MORF4L1: variants seen among roughly 807,000 people sequenced by gnomAD.
MORF4L1 encodes the protein mortality factor 4 like 1.
Under a neutral mutation model 52.9 loss-of-function variants are expected in MORF4L1, and 4 were observed. The observed-to-expected ratio is 0.08, with a 90% CI of 0.04 to 0.17. The LOEUF (loss-of-function observed/expected upper bound fraction) is 0.17. MORF4L1 is among the 10% of genes least tolerant of loss of function. The probability of loss-of-function intolerance (pLI) is 1.00; values close to 1 mark genes in which losing one functional copy is unlikely to be tolerated. For synonymous variants in MORF4L1, 123 were observed against 134.8 expected (o/e 0.91, Z 0.61); for missense variants, 214 against 390.4 (o/e 0.55, Z 3.81).
rs141520493 is a variant in MORF4L1, at chr15:78,897,126, A to G, written c.*59A>G. 4.5e-5 allele frequency: 60 copies of G among 1,337,858 alleles called. No homozygotes were observed. In the African/African-American group the frequency reaches 7.0e-4, roughly 16 times the overall value. The allele number at this position is 1,337,858 out of a possible 1,614,324, so 82.9% of individuals were successfully genotyped here. On this transcript the variant is annotated 3_prime_UTR_variant, in exon 12 of 12. Transcript: ENST00000426013. The stretch of plus-strand genomic sequence containing the variant: ...GTAAACACATTTTTGTTCTTAGTCT[A>G]TCTCTTGTACAAACGATGTGCTTTG...
chr15:78,894,067 G>T lies in MORF4L1; in HGVS notation c.639G>T (p.Ala213=). 6.2e-7 allele frequency: 1 copy of T among 1,612,182 alleles called. No homozygotes were observed. Among genetic ancestry groups the T allele is most frequent in the Non-Finnish European group, 8.5e-7 (1 of 1,178,924 alleles). ...TTTGTTCATTTATCAGGGAGTATGC[G>T]GTTAATGAAGTTGTGGCAGGGATAA... The part of the protein sequence containing the change: ...SRGNTDNKEY[A]VNEVVAGIKE... The change falls in exon 10 of 12, where the codon GCG becomes GCT. Residue 213 remains alanine (A), a synonymous_variant. Transcript: ENST00000426013.
In MORF4L1 at chr15:78,892,176, G is replaced by A. The variant is rs2056812725; in HGVS notation, c.439-36G>A. On this transcript the variant is annotated intron_variant, in intron 7 of 11. Transcript: ENST00000426013. The stretch of plus-strand genomic sequence containing the variant: ...TCCATGTTTGGTATTTAGCAAGAAA[G>A]GTTAGGTTTTTAATACTCCTCCTGT... 7.5e-6 allele frequency: 11 copies of A among 1,469,038 alleles called. No individual in the cohort carries two copies. In the East Asian group the frequency reaches 2.5e-4, roughly 34 times the overall value. The allele number at this position is 1,469,038 out of a possible 1,614,324, so 91.0% of individuals were successfully genotyped here.
chr15:78,886,666 A>G (rs2056709705), intron 4 of MORF4L1, among the ~76,000 whole-genome samples: 1 of 152,208 alleles, frequency 6.6e-6, no homozygotes, highest in South Asian at 2.1e-4. Flanking sequence ...TAAAAAAATT[A>G]AAACGATGGC....
At chr15:78,886,022 A>G (rs8037651) in intron 3 of MORF4L1, 119 bp from the exon 4 acceptor site, 99,076 of 707,748 alleles carry the variant, frequency 0.14, 7,758 homozygotes, top group East Asian at 0.26. Context: ...TTGAGAATAT[A>G]TTTGTAGTGC....
chr15:78,893,492 T>C, intron 8 of MORF4L1, 47 bp from the exon 9 acceptor site: 2 of 1,327,366 alleles, frequency 1.5e-6, no homozygotes, highest in Non-Finnish European at 2.2e-6. Context: ...ATGATTTTTC[T>C]TTAAAAAAGA....
chr15:78,893,656 T>C, intron 9 of MORF4L1, 29 bp downstream of exon 9: 1 of 1,413,434 alleles, frequency 7.1e-7, no homozygotes, highest in Non-Finnish European at 9.8e-7. Context: ...CAGATGACAC[T>C]CAAAAGACAT....
In MORF4L1 at chr15:78,872,919, T is replaced by A. The variant is rs541897140; in HGVS notation, c.-99T>A. The A allele has an allele frequency of 5.4e-6, 8 of 1,487,100 alleles. No individual in the cohort carries two copies. The highest frequency in any genetic ancestry group is 5.1e-5 in the Admixed American group (2 of 39,310). The allele number at this position is 1,487,100 out of a possible 1,614,324, so 92.1% of individuals were successfully genotyped here. A position where few individuals can be genotyped will look rare whatever the true frequency, so the allele number is the denominator to read the frequency against. ...CCGGCCCAGGATGTAGAGCTGGCAG[T>A]GCCTGACGGCGCGTCTGACGCGGAG... is the stretch of plus-strand genomic sequence containing the variant. On this transcript the variant is annotated 5_prime_UTR_variant, in exon 1 of 12. Coordinates refer to ENST00000426013, the MANE Select transcript of MORF4L1 (RefSeq NM_006791.4).
chr15:78,887,059 A>G (rs890624684), intron 4 of MORF4L1, among the ~76,000 whole-genome samples: 2 of 152,086 alleles, frequency 1.3e-5, no homozygotes, highest in African/African-American at 4.8e-5. Context: ...AGAACAGTCT[A>G]TTACAGTCAC....
At chr15:78,889,877 A>G (rs16970201) in intron 5 of MORF4L1, among the ~76,000 whole-genome samples, 2,666 of 152,308 alleles carry the variant, frequency 0.018, 80 homozygotes, top group African/African-American at 0.061. Flanking sequence ...AAAGTAATCC[A>G]TAATCATGGG....
rs2056583165 is a variant in MORF4L1 at position 78,880,586 on chromosome 15, A to G, written c.155+7A>G. On this transcript the variant is annotated splice_region_variant and intron_variant, in intron 3 of 11. Coordinates refer to ENST00000426013, the MANE Select transcript of MORF4L1 (RefSeq NM_006791.4). ...ACAGTGGTTGGAATAAAAAGTGAGT[A>G]TTAGATCTTACAATTCTATTTGTAA... 1 of 1,568,084 alleles carries G rather than the reference A, an allele frequency of 6.4e-7. No individual in the cohort carries two copies. Among genetic ancestry groups the G allele is most frequent in the Non-Finnish European group, 8.7e-7 (1 of 1,149,154 alleles).
intron 5 of MORF4L1, 138 bp from the exon 6 acceptor site, chr15:78,890,851 C>A: frequency 1.3e-6 from 1 of 742,580 alleles, no homozygotes; most frequent in Non-Finnish European, 1.9e-6. Context: ...ATCCTTGTGT[C>A]TGAGTAGGAC....
At position 78,895,013 on chromosome 15, in the gene MORF4L1, GATAGTTGGT is replaced by G. The variant is rs773894162; in HGVS notation, c.887+111_887+119del. The stretch of plus-strand genomic sequence containing the variant: ...TAAACATTATATTGGTACAGGCATA[GATAGTTGGT>G]AATGGAGCAGTAAAAGTAAGTGCAA... On this transcript the variant is annotated intron_variant, in intron 11 of 11. Transcript: ENST00000426013. 266 of 868,032 alleles carry G rather than the reference GATAGTTGGT, an allele frequency of 3.1e-4. 1 individual carries two copies. The highest frequency in any genetic ancestry group is 4.3e-4 in the Non-Finnish European group (231 of 536,224). The allele number at this position is 868,032 out of a possible 1,614,324, so 53.8% of individuals were successfully genotyped here.
chr15:78,873,134 G>GGGCCGGGGGCGGC (rs1161331301), intron 1 of MORF4L1, 77 bp downstream of exon 1: 1 of 1,540,390 alleles, frequency 6.5e-7, no homozygotes, highest in Non-Finnish European at 8.7e-7. Context: ...TGAGGCTTGA[G>GGGCCGGGGGCGGC]GGCCGGGGGC....
intron 2 of MORF4L1, among the ~76,000 whole-genome samples, chr15:78,880,295 T>A (rs992530084): frequency 8.5e-5 from 13 of 152,240 alleles, no homozygotes; most frequent in Non-Finnish European, 1.8e-4. Context: ...GATTAAAGAT[T>A]TAAGGTGACC....
Position 78,894,061 on chromosome 15 carries a change from G to A in MORF4L1, c.633G>A (p.Glu211=), listed in dbSNP as rs1412362601. 21 of 1,612,300 alleles carry A rather than the reference G, an allele frequency of 1.3e-5. No individual in the cohort carries two copies. The highest frequency in any genetic ancestry group is 1.8e-5 in the Non-Finnish European group (21 of 1,178,976). The part of the protein sequence containing the change: ...KKSRGNTDNK[E]YAVNEVVAGI... ...AATATTTTTGTTCATTTATCAGGGA[G>A]TATGCGGTTAATGAAGTTGTGGCAG... The change falls in exon 10 of 12, where the codon GAG becomes GAA. Residue 211 remains glutamate (E), a synonymous_variant. Coordinates refer to ENST00000426013, the MANE Select transcript of MORF4L1 (RefSeq NM_006791.4).
chr15:78,893,792 A>G (rs1367794172), intron 9 of MORF4L1, among the ~76,000 whole-genome samples, 165 bp downstream of exon 9: 1 of 152,226 alleles, frequency 6.6e-6, no homozygotes, highest in Non-Finnish European at 1.5e-5. Context: ...CTTTTTCTTA[A>G]AGGGCCAGAT....
chr15:78,883,108 G>A (rs1267633550), intron 3 of MORF4L1, among the ~76,000 whole-genome samples: 2 of 151,886 alleles, frequency 1.3e-5, no homozygotes, highest in East Asian at 3.9e-4. Flanking sequence ...CCAGCTGCTG[G>A]GGAGGCTGAG....
In MORF4L1 at chr15:78,890,841, A is replaced by G. The variant is rs2056788917; in HGVS notation, c.324-148A>G. The G allele has an allele frequency of 7.2e-6, 5 of 691,554 alleles. No homozygotes were observed. The South Asian group carries it at 1.4e-4, about 20-fold the overall frequency. 42.8% of individuals were successfully genotyped at this position (691,554 alleles called of 1,614,324 possible). On this transcript the variant is annotated intron_variant, in intron 5 of 11. Transcript: ENST00000426013. ...GGAATTTAACCAACTATCAATAAAA[A>G]TCCTTGTGTCTGAGTAGGACACATA...
chr15:78,889,582 G>T (rs1377034404), intron 5 of MORF4L1, among the ~76,000 whole-genome samples: 1 of 152,154 alleles, frequency 6.6e-6, no homozygotes, highest in African/African-American at 2.4e-5. Flanking sequence ...AAAGGATTGA[G>T]TGTGAAGACT....
Sources: gnomAD v4.1 joint callset for allele counts (sites outside exome capture counted in the v4.1 genomes callset) on GRCh38, gnomAD v4.1.1 for gene constraint, MANE v1.5 for transcripts, NCBI Gene and HGNC (gene_info 2026-07-23, HGNC 2026-07-21) for gene names.